NLRC5: variants seen among roughly 807,000 people sequenced by gnomAD.
NLRC5 encodes the protein NLR family CARD domain containing 5.
Under a neutral mutation model 206.9 loss-of-function variants are expected in NLRC5, and 114 were observed. That is an observed-to-expected ratio of 0.55 (90% CI 0.47 to 0.64). NLRC5 has a LOEUF of 0.64. Among genes scored for constraint, NLRC5 ranks in the 30% least tolerant of loss-of-function variants. The probability of loss-of-function intolerance (pLI) is 0.00; values close to 1 mark genes in which losing one functional copy is unlikely to be tolerated. For missense variants in NLRC5, 2,008 were observed against 2,305.5 expected, an observed-to-expected ratio of 0.87 and a Z score of 2.64; for synonymous variants, 952 against 962.8, an observed-to-expected ratio of 0.99 and a Z score of 0.21.
rs140724458 is a variant in NLRC5, at chr16:57,033,724, C to T, written c.2543+55C>T. The T allele has an allele frequency of 1.1e-4, 172 of 1,532,478 alleles. No individual in the cohort carries two copies. The African/African-American group carries it at 1.9e-3, about 16-fold the overall frequency. 94.9% of individuals were successfully genotyped at this position (1,532,478 alleles called of 1,614,324 possible). ...GAGGGATATGATATGGGGGAAAGTC[C>T]GAGGCAAGGGAGAGCAGGGGCAGGG... On this transcript the variant is annotated intron_variant, in intron 12 of 48. Coordinates refer to ENST00000688547, the MANE Select transcript of NLRC5 (RefSeq NM_001384950.1).
chr16:57,070,747 A>T, intron 38 of NLRC5, 129 bp downstream of exon 38: 18 of 639,148 alleles, frequency 2.8e-5, no homozygotes, highest in Non-Finnish European at 3.6e-5. Flanking sequence ...TTAATGGGGA[A>T]TGGGGTGAGT....
At chr16:57,003,520 C>CA (rs1388869764) in intron 1 of NLRC5, among the ~76,000 whole-genome samples, 1 of 152,230 alleles carries the variant, frequency 6.6e-6, no homozygotes, top group Non-Finnish European at 1.5e-5. Flanking sequence ...GTGACACCTG[C>CA]ATCCTTCTTC....
chr16:57,006,413 C>CT (rs58713490), intron 1 of NLRC5, among the ~76,000 whole-genome samples: 3,128 of 90,468 alleles, frequency 0.035, 397 homozygotes, highest in African/African-American at 0.12. Flanking sequence ...TCTTCATCCT[C>CT]TTTTTTTTTT....
intron 5 of NLRC5, 38 bp downstream of exon 5, chr16:57,023,891 T>C (rs1236526904): frequency 6.4e-7 from 1 of 1,561,438 alleles, no homozygotes; most frequent in African/African-American, 1.3e-5. Flanking sequence ...AACAGAGAGA[T>C]GGGGTTGCCT....
At chr16:57,037,138 G>T (rs2062687417) in intron 14 of NLRC5, 57 bp from the exon 15 acceptor site, 3 of 1,418,194 alleles carry the variant, frequency 2.1e-6, no homozygotes, top group Non-Finnish European at 3.0e-6. Context: ...GCTAGAGCTG[G>T]CTGGGGCTGG....
chr16:57,042,651 CA>C (rs1177979867), intron 19 of NLRC5, among the ~76,000 whole-genome samples: 3 of 152,184 alleles, frequency 2.0e-5, no homozygotes, highest in East Asian at 3.8e-4. Flanking sequence ...CAGAGGAGCC[CA>C]GGGGAGAGGT....
chr16:57,079,187 GGTTCCTCT>G (rs750150395), intron 44 of NLRC5, 26 bp from the exon 45 acceptor site: 1 of 1,613,930 alleles, frequency 6.2e-7, no homozygotes, highest in Non-Finnish European at 8.5e-7. Context: ...CGGGTCTGGG[GGTTCCTCT>G]CACAGGTATC....
At chr16:57,024,766 T>C (rs1164799611) in intron 5 of NLRC5, among the ~76,000 whole-genome samples, 1 of 152,144 alleles carries the variant, frequency 6.6e-6, no homozygotes, top group Admixed American at 6.5e-5. Context: ...TCCCAGCACT[T>C]TGGAGGGCTG....
At chr16:57,038,162 G>A (rs191543482) in intron 15 of NLRC5, among the ~76,000 whole-genome samples, 130 of 152,240 alleles carry the variant, frequency 8.5e-4, no homozygotes, top group African/African-American at 3.0e-3. Flanking sequence ...GTTAGACTAA[G>A]TTACTTCCAG....
intron 1 of NLRC5, among the ~76,000 whole-genome samples, chr16:56,995,186 A>C (rs1200072172): frequency 2.0e-5 from 3 of 152,150 alleles, no homozygotes; most frequent in Non-Finnish European, 4.4e-5. Flanking sequence ...AAAAGCAACA[A>C]ACTGCTTGAA....
intron 1 of NLRC5, among the ~76,000 whole-genome samples, chr16:57,005,522 A>T (rs2058795997): frequency 6.6e-6 from 1 of 152,044 alleles, no homozygotes; most frequent in South Asian, 2.1e-4. Context: ...AGAGAAAGAA[A>T]AAAAGTGAAC....
intron 40 of NLRC5, 50 bp from the exon 41 acceptor site, chr16:57,077,246 T>A: frequency 3.2e-6 from 5 of 1,540,856 alleles, no homozygotes; most frequent in Non-Finnish European, 4.5e-6. Flanking sequence ...GAGTGGGGTG[T>A]GGACAAGATG....
intron 2 of NLRC5, among the ~76,000 whole-genome samples, chr16:57,018,275 C>T (rs994208330): frequency 1.3e-5 from 2 of 152,222 alleles, no homozygotes; most frequent in Non-Finnish European, 2.9e-5. Context: ...GGGACTTAGC[C>T]TTGTCTGGTG....
At chr16:57,074,806 C>T (rs2068159300) in intron 39 of NLRC5, 123 bp downstream of exon 39, 1 of 890,662 alleles carries the variant, frequency 1.1e-6, no homozygotes, top group African/African-American at 1.6e-5. Context: ...CCTCCCAGGC[C>T]CATCCCTGTG....
chr16:57,043,881 A>T (rs1274232264), intron 20 of NLRC5: 2 of 463,106 alleles, frequency 4.3e-6, no homozygotes, highest in African/African-American at 2.5e-5. Context: ...TAGTCCTTAG[A>T]GATTTTTTTT....
intron 22 of NLRC5, among the ~76,000 whole-genome samples, chr16:57,047,072 G>A (rs542395334): frequency 6.6e-6 from 1 of 152,342 alleles, no homozygotes; most frequent in Admixed American, 6.5e-5. Flanking sequence ...CTCCAGGGAA[G>A]TGGAGGCAAG....
intron 21 of NLRC5, among the ~76,000 whole-genome samples, chr16:57,046,051 GGAGA>G (rs879742788): frequency 1.2e-4 from 18 of 152,234 alleles, no homozygotes; most frequent in Non-Finnish European, 2.1e-4. Context: ...CTGGCTGGGT[GGAGA>G]GAGTCACAGC....
chr16:57,015,125 C>T (rs1389931871), intron 1 of NLRC5, among the ~76,000 whole-genome samples: 7 of 152,088 alleles, frequency 4.6e-5, no homozygotes, highest in African/African-American at 1.7e-4. Flanking sequence ...GATGGGGTTT[C>T]ATCATGTTGG....
intron 6 of NLRC5, 130 bp from the exon 7 acceptor site, chr16:57,027,942 T>C (rs899480997): frequency 3.5e-6 from 2 of 573,226 alleles, no homozygotes; most frequent in Non-Finnish European, 3.1e-6. Context: ...GGTGGACGAT[T>C]AGAAGTCTCG....
Sources: gnomAD v4.1 joint callset for allele counts (sites outside exome capture counted in the v4.1 genomes callset) on GRCh38, gnomAD v4.1.1 for gene constraint, MANE v1.5 for transcripts, NCBI Gene and HGNC (gene_info 2026-07-23, HGNC 2026-07-21) for gene names.